The following ME1 variants were observed in gnomAD, a reference collection of about 807,000 sequenced individuals.
ME1 encodes malic enzyme 1.
ME1 carries 74 observed loss-of-function variants against 66.4 expected under a neutral mutation model. The ratio of observed to expected loss-of-function variants is 1.11; its 90% CI spans 0.92 to 1.35. The LOEUF (loss-of-function observed/expected upper bound fraction) is 1.35, where lower values mean the gene tolerates loss of function less well. ME1 is among the 40% of genes most tolerant of loss of function. The pLI, the probability that ME1 is intolerant of heterozygous loss-of-function variation, is 0.00. For synonymous variants in ME1, 251 were observed against 235.6 expected (o/e 1.07, Z -0.60); for missense variants, 750 against 694.1 (o/e 1.08, Z -0.90).
At chr6:83,393,147 C>G (rs1769657912) in intron 3 of ME1, 1 of 1,333,966 alleles carries the variant, frequency 7.5e-7, no homozygotes. Context: ...GACCTGCCGT[C>G]TGGAAAAACC....
intron 5 of ME1, among the ~76,000 whole-genome samples, chr6:83,325,891 AG>A (rs1395591832): frequency 4.3e-4 from 65 of 151,830 alleles, no homozygotes; most frequent in African/African-American, 1.5e-3. Context: ...GAACCAAAAA[AG>A]AGCCCATATA....
At chr6:83,228,594 G>T (rs1790241787) in intron 10 of ME1, among the ~76,000 whole-genome samples, 1 of 152,134 alleles carries the variant, frequency 6.6e-6, no homozygotes, top group Non-Finnish European at 1.5e-5. Context: ...AACGTGCCAG[G>T]TATTAACAGG....
At chr6:83,225,488 G>A (rs562798359) in intron 11 of ME1, among the ~76,000 whole-genome samples, 2 of 152,020 alleles carry the variant, frequency 1.3e-5, no homozygotes, top group East Asian at 3.9e-4. Context: ...TCTAAATAAT[G>A]ATATTAATAT....
chr6:83,267,479 C>A (rs982747547), intron 6 of ME1, among the ~76,000 whole-genome samples: 2 of 152,126 alleles, frequency 1.3e-5, no homozygotes, highest in Admixed American at 1.3e-4. Context: ...AAATAAAAAT[C>A]TGATAATTTT....
chr6:83,407,125 G>T (rs906732935), intron 2 of ME1, among the ~76,000 whole-genome samples: 1 of 152,000 alleles, frequency 6.6e-6, no homozygotes. Context: ...AATAGCTGTT[G>T]TTCTCTCTAA....
At chr6:83,238,733 C>T (rs1182795505) in intron 8 of ME1, among the ~76,000 whole-genome samples, 3 of 149,876 alleles carry the variant, frequency 2.0e-5, no homozygotes, top group Non-Finnish European at 3.0e-5. Flanking sequence ...AAACAATGAT[C>T]TACCAGTGTA....
At chr6:83,261,597 G>A (rs1269847120) in intron 6 of ME1, among the ~76,000 whole-genome samples, 2 of 152,058 alleles carry the variant, frequency 1.3e-5, no homozygotes, top group African/African-American at 4.8e-5. Context: ...ATCCAGTGAG[G>A]AAGTGAGGAG....
At chr6:83,349,457 A>C (rs1768756739) in intron 4 of ME1, among the ~76,000 whole-genome samples, 3 of 151,618 alleles carry the variant, frequency 2.0e-5, no homozygotes, top group African/African-American at 4.8e-5. Flanking sequence ...TCAAAAATTA[A>C]ATCTTCACCC....
chr6:83,357,904 T>C (rs560023753), intron 3 of ME1, among the ~76,000 whole-genome samples: 316 of 27,964 alleles, frequency 0.011, 6 homozygotes, highest in East Asian at 0.073. Context: ...TAAACTCCCC[T>C]CTCTCTCTCT....
intron 5 of ME1, among the ~76,000 whole-genome samples, chr6:83,333,895 T>C (rs1420036520): frequency 3.3e-5 from 5 of 152,226 alleles, no homozygotes; most frequent in South Asian, 2.1e-4. Context: ...AACCAAATAA[T>C]ATGTAACTAT....
rs6934372 is a variant in ME1, at chr6:83,332,454, A to G, written c.600+13719T>C. Among the ~76,000 whole-genome samples, 1,355 of 152,328 alleles carry G rather than the reference A, an allele frequency of 8.9e-3. 19 individuals are homozygous for G. Among genetic ancestry groups the G allele is most frequent in the African/African-American group, 0.031 (1,269 of 41,568 alleles). On this transcript the variant is annotated intron_variant, in intron 5 of 13. Coordinates refer to ENST00000369705, the MANE Select transcript of ME1 (RefSeq NM_002395.6). The stretch of plus-strand genomic sequence containing the variant: ...CATTATATCAAAAAGACACCTGCAC[A>G]TGTATGTTTATCACAGCACAATCCA...
At chr6:83,277,699 C>T (rs1185622200) in intron 6 of ME1, among the ~76,000 whole-genome samples, 1 of 151,824 alleles carries the variant, frequency 6.6e-6, no homozygotes, top group Non-Finnish European at 1.5e-5. Context: ...GTCAGGAGTT[C>T]GAGGCCAGCC....
intron 6 of ME1, among the ~76,000 whole-genome samples, chr6:83,270,532 C>A (rs1767065256): frequency 6.6e-6 from 1 of 152,084 alleles, no homozygotes; most frequent in Non-Finnish European, 1.5e-5. Context: ...CTCAGAACTG[C>A]ACACTACTGC....
At chr6:83,325,440 C>T (rs868366520) in intron 5 of ME1, among the ~76,000 whole-genome samples, 13 of 152,022 alleles carry the variant, frequency 8.6e-5, no homozygotes, top group Admixed American at 3.3e-4. Flanking sequence ...TCTTTGCAGA[C>T]GACATGATTG....
chr6:83,298,931 G>GTTTTTTTTTTTTTTTTTTTTTTTTTTTT lies in ME1; in HGVS notation c.704+16351_704+16378dup, dbSNP rs61055748. Among the ~76,000 whole-genome samples, 10 of 22,458 alleles carry GTTTTTTTTTTTTTTTTTTTTTTTTTTTT rather than the reference G, an allele frequency of 4.5e-4. 2 individuals are homozygous for GTTTTTTTTTTTTTTTTTTTTTTTTTTTT. The highest frequency in any genetic ancestry group is 7.0e-4 in the Non-Finnish European group (9 of 12,852). The allele number at this position is 22,458 out of a possible 152,430, so 14.7% of individuals were successfully genotyped here. ...TGCTGTTCCATTAGTCTATGTGTCT[G>GTTTTTTTTTTTTTTTTTTTTTTTTTTTT]TTTTTTTTTTTTTTTTTTTTTTTTT... is the stretch of plus-strand genomic sequence containing the variant. On this transcript the variant is annotated intron_variant, in intron 6 of 13. Transcript: ENST00000369705.
intron 1 of ME1, among the ~76,000 whole-genome samples, chr6:83,429,562 GA>G (rs777084406): frequency 6.6e-6 from 1 of 151,736 alleles, no homozygotes; most frequent in East Asian, 1.9e-4. Context: ...TAAAAGAAAA[GA>G]AAAAACAATC....
intron 7 of ME1, among the ~76,000 whole-genome samples, chr6:83,243,901 A>ATG (rs1476619442): frequency 1.4e-5 from 2 of 140,036 alleles, no homozygotes; most frequent in African/African-American, 5.4e-5. Context: ...ATATATATAT[A>ATG]TATATCAGTT....
chr6:83,350,971 CAAAAAAAAAA>C (rs34259968), intron 4 of ME1, among the ~76,000 whole-genome samples: 30 of 55,790 alleles, frequency 5.4e-4, no homozygotes, highest in East Asian at 2.1e-3. Context: ...GTGGAGAAAG[CAAAAAAAAAA>C]AAAAAAAAAA....
In ME1 at chr6:83,212,063, G is replaced by T. The variant is rs1237507541; in HGVS notation, c.1580C>A (p.Ala527Asp). The stretch of plus-strand genomic sequence containing the variant: ...GTTTTGCGGTTCAGGATAAACTGTG[G>T]CTGTCTTTTCTTGGTATGCATCTTT... ...IVKDAYQEKT[A>D]TVYPEPQNKE... Residue 527 changes from alanine (A) to aspartate (D), a missense_variant, in exon 14 of 14, where the codon GCC becomes GAC. Coordinates refer to ENST00000369705, the MANE Select transcript of ME1 (RefSeq NM_002395.6). 2.0e-5 allele frequency: 32 copies of T among 1,609,106 alleles called. No individual in the cohort carries two copies. Among genetic ancestry groups the T allele is most frequent in the Non-Finnish European group, 2.5e-5 (29 of 1,176,914 alleles).
Sources: gnomAD v4.1 joint callset for allele counts (sites outside exome capture counted in the v4.1 genomes callset) on GRCh38, gnomAD v4.1.1 for gene constraint, MANE v1.5 for transcripts, NCBI Gene and HGNC (gene_info 2026-07-23, HGNC 2026-07-21) for gene names.